The following ITPR3 variants were observed in gnomAD, a reference collection of about 807,000 sequenced individuals.
ITPR3 encodes the protein inositol 1,4,5-trisphosphate receptor type 3.
Under a neutral mutation model 293.2 loss-of-function variants are expected in ITPR3, and 173 were observed. That is an observed-to-expected ratio of 0.59 (90% confidence interval 0.52 to 0.67). The LOEUF is 0.67. Ranked by LOEUF, ITPR3 falls within the 30% of genes least tolerant of loss-of-function variation. The probability of loss-of-function intolerance (pLI) is 0.00; values close to 1 mark genes in which losing one functional copy is unlikely to be tolerated. For synonymous variants in ITPR3, 1,295 were observed against 1,444.4 expected, an observed-to-expected ratio of 0.90 and a Z score of 2.35; for missense variants, 2,796 against 3,592.1, an observed-to-expected ratio of 0.78 and a Z score of 5.66.
At position 33,679,084 on chromosome 6, in the gene ITPR3, C is replaced by T. The variant is rs34942621; in HGVS notation, c.3972+245C>T. 0.1 allele frequency among the ~76,000 whole-genome samples: 15,875 copies of T among 152,236 alleles called. 1,040 individuals are homozygous for T. Among genetic ancestry groups the T allele is most frequent in the Middle Eastern group, 0.21 (62 of 294 alleles). Reference sequence around the variant, plus strand: ...CAGGCACCTAGCAGAACTCAGACAACAGGCCAGAAAGAAATCAAGCATGCA... The same window carrying T: ...CAGGCACCTAGCAGAACTCAGACAATAGGCCAGAAAGAAATCAAGCATGCA... On this transcript the variant is annotated intron_variant, in intron 30 of 57. Transcript: ENST00000605930. This position sits in a 1 kb window ranked among gnomAD's most constrained non-coding sequence, Gnocchi z 4.2.
At position 33,669,003 on chromosome 6, in the gene ITPR3, C is replaced by T. The variant is rs771821549; in HGVS notation, c.2036C>T (p.Ser679Phe). ...ELRPVKEMAQ[S>F]HEYLSIEYSE... ...CGGCCCGTGAAGGAGATGGCCCAAT[C>T]CCACGAGTACCTGAGCATCGAGTAC... The change falls in exon 18 of 58, where the codon TCC (serine) becomes TTC (phenylalanine). Residue 679 changes from serine to phenylalanine, a missense_variant. Physicochemically the swap from Ser to Phe is radical, Grantham distance 155. This residue lies in a region of ITPR3 where 955 missense variants were observed against 1,180.8 expected (regional missense o/e 0.81). Coordinates refer to ENST00000605930, the MANE Select transcript of ITPR3 (RefSeq NM_002224.4). The T allele has an allele frequency of 6.2e-7, 1 of 1,613,998 alleles. No homozygotes were observed. The highest frequency in any genetic ancestry group is 8.5e-7 in the Non-Finnish European group (1 of 1,180,004).
At position 33,632,972 on chromosome 6, in the gene ITPR3, G is replaced by A. The variant is rs2151281814; in HGVS notation, c.90-7512G>A. On this transcript the variant is annotated intron_variant, in intron 1 of 57. Transcript: ENST00000605930. The surrounding 1 kb of genome is among the most constrained non-coding windows in gnomAD (Gnocchi z 4.1). ...TCTGTGCCATTCTCTGACCAGCTGT[G>A]TGGCTCAGGGGTTCCATCCACTCTG... Among the ~76,000 whole-genome samples, 1 of 152,382 alleles carries A rather than the reference G, an allele frequency of 6.6e-6. No individual in the cohort carries two copies. Among genetic ancestry groups the A allele is most frequent in the East Asian group, 1.9e-4 (1 of 5,188 alleles).
At chr6:33,674,156 T>C (rs1764843121) in intron 23 of ITPR3, 52 bp from the exon 24 acceptor site, 1 of 1,605,684 alleles carries the variant, frequency 6.2e-7, no homozygotes. Context: ...TGTGCTCCCC[T>C]CTTTCCCGGG....
At position 33,655,978 on chromosome 6, in the gene ITPR3, G is replaced by C; in HGVS notation, c.282+91G>C. ...GTGCTGCTTGTCGGAGCCAGTAGGG[G>C]CTCTGTGGCTGAGCTGAGTGGTTTC... On this transcript the variant is annotated intron_variant, in intron 3 of 57. Transcript: ENST00000605930. The surrounding 1 kb of genome is among the most constrained non-coding windows in gnomAD (Gnocchi z 4.9). The C allele has an allele frequency of 5.2e-6, 8 of 1,535,710 alleles. No homozygotes were observed. Among genetic ancestry groups the C allele is most frequent in the Non-Finnish European group, 6.2e-6 (7 of 1,123,766 alleles).
intron 1 of ITPR3, among the ~76,000 whole-genome samples, chr6:33,622,284 C>T (rs79995243): frequency 0.032 from 4,800 of 152,274 alleles, 125 homozygotes; most frequent in Non-Finnish European, 0.051. Flanking sequence ...ATTTCCTGCG[C>T]CGGTCATCTG....
In ITPR3 at chr6:33,624,474, G is replaced by A. The variant is rs1382016888; in HGVS notation, c.89+2783G>A. On this transcript the variant is annotated intron_variant, in intron 1 of 57. Transcript: ENST00000605930. The surrounding 1 kb of genome is among the most constrained non-coding windows in gnomAD (Gnocchi z 4.7). ...ATGCAGAATCTCAGACCCCGTGCCC[G>A]TCCTACTGAATGAGAATCTGCATTT... is the stretch of plus-strand genomic sequence containing the variant. Among the ~76,000 whole-genome samples, 3 of 152,232 alleles carry A rather than the reference G, an allele frequency of 2.0e-5. No individual in the cohort carries two copies. The highest frequency in any genetic ancestry group is 2.9e-5 in the Non-Finnish European group (2 of 68,050).
At position 33,668,974 on chromosome 6, in the gene ITPR3, G is replaced by C. The variant is rs200910400; in HGVS notation, c.2007G>C (p.Glu669Asp). Residue 669 changes from glutamate (E) to aspartate (D), a missense_variant and splice_region_variant, in exon 18 of 58, where the codon GAG becomes GAC. Glu to Asp is a conservative substitution (Grantham distance 45). Coordinates refer to ENST00000605930, the MANE Select transcript of ITPR3 (RefSeq NM_002224.4). The stretch of plus-strand genomic sequence containing the variant: ...GTGACAGGTTGCTGGTGGTCTGCAG[G>C]CTTCGGCCCGTGAAGGAGATGGCCC... ...PKNSDILIRT[E>D]LRPVKEMAQS... 6.8e-6 allele frequency: 11 copies of C among 1,613,268 alleles called. No individual in the cohort carries two copies. The highest frequency in any genetic ancestry group is 1.1e-5 in the South Asian group (1 of 91,048).
chr6:33,671,891 GTCCCT>G (rs1206450630), intron 21 of ITPR3, 133 bp from the exon 22 acceptor site: 1 of 842,640 alleles, frequency 1.2e-6, no homozygotes, highest in African/African-American at 1.7e-5. Context: ...GGTTAGCCCT[GTCCCT>G]TCCTTAGCAA....
In ITPR3 at chr6:33,665,900, A is replaced by G. The variant is rs1004590862; in HGVS notation, c.1475A>G (p.Asn492Ser). ...FVSDVPNNGQ[N>S]VLDIMVTKPN... ...AGCGATGTCCCCAACAATGGGCAGAATGTCCTGGACATCATGGTCACTAAG... is the reference window on the plus strand; with the variant it reads ...AGCGATGTCCCCAACAATGGGCAGAGTGTCCTGGACATCATGGTCACTAAG... Residue 492 changes from asparagine to serine, a missense_variant, in exon 14 of 58, where the codon AAT (asparagine) becomes AGT (serine). Transcript: ENST00000605930. 1 of 1,614,230 alleles carries G rather than the reference A, an allele frequency of 6.2e-7. No individual in the cohort carries two copies. The highest frequency in any genetic ancestry group is 1.7e-5 in the Admixed American group (1 of 60,024).
In ITPR3 at chr6:33,690,094, G is replaced by A. The variant is rs1765349851; in HGVS notation, c.6928G>A (p.Gly2310Ser). ...GGGCAACCGTGGCACCTTCATCCGG[G>A]GCTATAAGGCCATGGTCATGGACAT... ...FVGNRGTFIR[G>S]YKAMVMDMEF... Residue 2310 changes from glycine to serine, a missense_variant, in exon 51 of 58, where the codon GGC becomes AGC. This residue lies in a region of ITPR3 where 568 missense variants were observed against 796.1 expected (regional missense o/e 0.71). Coordinates refer to ENST00000605930, the MANE Select transcript of ITPR3 (RefSeq NM_002224.4). The A allele has an allele frequency of 6.2e-7, 1 of 1,614,032 alleles. No individual in the cohort carries two copies. The highest frequency in any genetic ancestry group is 8.5e-7 in the Non-Finnish European group (1 of 1,180,038).
rs973446865 is a variant in ITPR3 at position 33,666,635 on chromosome 6, T to C, written c.1552-494T>C. Among the ~76,000 whole-genome samples, 1 of 151,258 alleles carries C rather than the reference T, an allele frequency of 6.6e-6. No homozygotes were observed. The highest frequency in any genetic ancestry group is 2.4e-5 in the African/African-American group (1 of 41,040). ...TTTTTTTTTAGAAACGAGGATCCAA[T>C]TAAGGTTTTTTCATTCCATTCTGTT... On this transcript the variant is annotated intron_variant, in intron 14 of 57. Transcript: ENST00000605930. The surrounding 1 kb of genome is among the most constrained non-coding windows in gnomAD (Gnocchi z 5.1).
At chr6:33,694,607 C>G in intron 56 of ITPR3, 1 of 336,192 alleles carries the variant, frequency 3.0e-6, no homozygotes, top group Non-Finnish European at 5.5e-6. Flanking sequence ...GGTGCAGAGG[C>G]CTTCCTCCAC....
intron 1 of ITPR3, among the ~76,000 whole-genome samples, chr6:33,625,495 T>C (rs546871611): frequency 6.6e-6 from 1 of 152,220 alleles, no homozygotes; most frequent in South Asian, 2.1e-4. Flanking sequence ...TCCCAAAGTG[T>C]TGGGATTACA....
Position 33,677,037 on chromosome 6 carries a change from T to G in ITPR3, c.3470T>G (p.Phe1157Cys), listed in dbSNP as rs1266926529. The change falls in exon 27 of 58, where the codon TTT (phenylalanine) becomes TGT (cysteine). Residue 1157 changes from phenylalanine (F) to cysteine (C), a missense_variant. Transcript: ENST00000605930. ...CAGCGTCCCACGGACGAGGAGGGCT[T>G]TCTGCACCCACCAGGGGAGAAAAGC... ...KKERPTDEEG[F>C]LHPPGEKSSE... The G allele has an allele frequency of 6.2e-7, 1 of 1,614,184 alleles. No individual in the cohort carries two copies.
At chr6:33,678,592 T>C in intron 29 of ITPR3, 47 bp from the exon 30 acceptor site, 1 of 896,334 alleles carries the variant, frequency 1.1e-6, no homozygotes, top group Non-Finnish European at 1.5e-6. Flanking sequence ...GGATGGGGGG[T>C]GGGGGCGGGG....
At chr6:33,631,558 A>G (rs1189215561) in intron 1 of ITPR3, among the ~76,000 whole-genome samples, 2 of 152,196 alleles carry the variant, frequency 1.3e-5, no homozygotes, top group Non-Finnish European at 2.9e-5. Flanking sequence ...TGCGCTCTTC[A>G]AAGAGGAACC....
At chr6:33,659,147 G>A (rs760291381) in intron 6 of ITPR3, 28 bp downstream of exon 6, 48 of 1,593,218 alleles carry the variant, frequency 3.0e-5, no homozygotes, top group Non-Finnish European at 4.0e-5. Flanking sequence ...CAGCCATGCA[G>A]TGCAGGGACG....
rs1644022800 is a variant in ITPR3, at chr6:33,658,920, C to T, written c.528+92C>T. On this transcript the variant is annotated intron_variant, in intron 5 of 57. Coordinates refer to ENST00000605930, the MANE Select transcript of ITPR3 (RefSeq NM_002224.4). The surrounding 1 kb of genome is among the most constrained non-coding windows in gnomAD (Gnocchi z 6.1). ...TGTGGGGACTGGATAAGGGCATGCC[C>T]ATTTCTTAGAAGGGCAGACTGAGAC... The T allele has an allele frequency of 1.9e-6, 3 of 1,598,758 alleles. No individual in the cohort carries two copies. In the Admixed American group the frequency reaches 5.0e-5, roughly 27 times the overall value.
Position 33,687,277 on chromosome 6 carries a change from G to A in ITPR3, c.6127G>A (p.Glu2043Lys), listed in dbSNP as rs1426384988. 6.2e-7 allele frequency: 1 copy of A among 1,613,656 alleles called. No individual in the cohort carries two copies. Among genetic ancestry groups the A allele is most frequent in the South Asian group, 1.1e-5 (1 of 91,064 alleles). ...YLQEEERENS[E>K]VSPREVGHNI... is the part of the protein sequence containing the mutation. ...GCAGGAGGAAGAGCGTGAGAACTCG[G>A]AGGTGAGCCCACGTGAAGTGGGCCA... The change falls in exon 45 of 58, where the codon GAG becomes AAG. Residue 2043 changes from glutamate to lysine, a missense_variant. This residue lies in a region of ITPR3 where 704 missense variants were observed against 797.5 expected (regional missense o/e 0.88). Transcript: ENST00000605930. This position sits in a 1 kb window ranked among gnomAD's most constrained non-coding sequence, Gnocchi z 5.3.
Sources: allele counts gnomAD v4.1 joint callset (sites outside exome capture counted in the v4.1 genomes callset), GRCh38; gene constraint gnomAD v4.1.1; regional missense constraint gnomAD v4.1.1; non-coding constraint Gnocchi (gnomAD v3.1); transcripts MANE v1.5; gene names NCBI Gene and HGNC (gene_info 2026-07-23, HGNC 2026-07-21).